ZBTB16: variants seen among roughly 807,000 people sequenced by gnomAD.
ZBTB16 encodes zinc finger and BTB domain containing 16.
Under a neutral mutation model 56.8 loss-of-function variants are expected in ZBTB16, and 8 were observed. The ratio of observed to expected loss-of-function variants is 0.14; its 90% CI spans 0.08 to 0.25. The LOEUF (loss-of-function observed/expected upper bound fraction) is 0.25. Ranked by LOEUF, ZBTB16 falls within the 10% of genes least tolerant of loss-of-function variation. ZBTB16 has a pLI of 1.00. For missense variants in ZBTB16, 625 were observed against 903.0 expected (o/e 0.69, Z 3.95); for synonymous variants, 363 against 368.5 (o/e 0.98, Z 0.17).
chr11:114,084,063 G>A (rs543884241), intron 2 of ZBTB16, among the ~76,000 whole-genome samples: 1 of 152,302 alleles, frequency 6.6e-6, no homozygotes, highest in African/African-American at 2.4e-5. Context: ...AAGATGTTAT[G>A]TTTCTACTAA....
Position 114,063,971 on chromosome 11 carries a change from C to T in ZBTB16, c.671C>T (p.Pro224Leu). ...LQGTLQPPAG[P>L]EEPTLAGGGR... ...GGAACTCTTCAGCCACCTGCAGGGC[C>T]CGAGGAGCCAACTCTGGCTGGGGGT... is the stretch of plus-strand genomic sequence containing the variant. Residue 224 changes from proline (P) to leucine (L), a missense_variant, in exon 2 of 7, where the codon CCC becomes CTC. Coordinates refer to ENST00000335953, the MANE Select transcript of ZBTB16 (RefSeq NM_006006.6). This position sits in a 1 kb window ranked among gnomAD's most constrained non-coding sequence, Gnocchi z 6.5. The T allele has an allele frequency of 6.2e-7, 1 of 1,613,620 alleles. No individual in the cohort carries two copies.
At chr11:114,108,548 C>G (rs1212460696) in intron 2 of ZBTB16, among the ~76,000 whole-genome samples, 2 of 152,148 alleles carry the variant, frequency 1.3e-5, no homozygotes, top group South Asian at 4.1e-4. Flanking sequence ...CCCTTCTTCC[C>G]CCTCCACATT....
At chr11:114,141,079 C>T (rs776816775) in intron 2 of ZBTB16, among the ~76,000 whole-genome samples, 17 of 152,212 alleles carry the variant, frequency 1.1e-4, no homozygotes, top group Non-Finnish European at 4.4e-5. Context: ...GGCTCCTCGC[C>T]GCTGTCTTCA....
At chr11:114,098,203 C>T (rs1940487026) in intron 2 of ZBTB16, among the ~76,000 whole-genome samples, 1 of 152,160 alleles carries the variant, frequency 6.6e-6, no homozygotes, top group Non-Finnish European at 1.5e-5. Context: ...AAGTCAGGAT[C>T]TCAAGATGAA....
intron 2 of ZBTB16, among the ~76,000 whole-genome samples, chr11:114,144,551 G>A (rs982006503): frequency 5.3e-5 from 8 of 152,144 alleles, no homozygotes; most frequent in African/African-American, 1.7e-4. Context: ...AAGAAGTTTG[G>A]GGAGCCCTTA....
At chr11:114,233,476 T>G (rs1944501083) in intron 4 of ZBTB16, among the ~76,000 whole-genome samples, 1 of 151,934 alleles carries the variant, frequency 6.6e-6, no homozygotes. Context: ...CCCTGCACCC[T>G]AGAAAGGGCA....
intron 4 of ZBTB16, among the ~76,000 whole-genome samples, chr11:114,238,708 C>T (rs1056577522): frequency 2.0e-5 from 3 of 152,124 alleles, no homozygotes; most frequent in Non-Finnish European, 2.9e-5. Flanking sequence ...TCCAACCTGT[C>T]CTGCCTGGCA....
rs189510343 is a variant in ZBTB16 at position 114,060,188 on chromosome 11, G to A, written c.-91+306G>A. ...CGGTGTGCGGGGGCTGAGGGCGTGA[G>A]CAGAGGGGTCGGGGATCCGGAGGCT... On this transcript the variant is annotated intron_variant, in intron 1 of 6. Transcript: ENST00000335953. The surrounding 1 kb of genome is among the most constrained non-coding windows in gnomAD (Gnocchi z 6.0). 5.7e-3 allele frequency: 981 copies of A among 172,384 alleles called. 7 individuals are homozygous for A. The highest frequency in any genetic ancestry group is 8.7e-3 in the Non-Finnish European group (711 of 81,666). 10.7% of individuals were successfully genotyped at this position (172,384 alleles called of 1,614,324 possible). A position where few individuals can be genotyped will look rare whatever the true frequency, so the allele number is the denominator to read the frequency against.
At chr11:114,218,815 G>A (rs930520000) in intron 4 of ZBTB16, among the ~76,000 whole-genome samples, 4 of 152,178 alleles carry the variant, frequency 2.6e-5, no homozygotes, top group African/African-American at 7.2e-5. Flanking sequence ...AAATCATTGC[G>A]AGAGAAAAGC....
chr11:114,162,293 T>C (rs1005077421), intron 3 of ZBTB16, among the ~76,000 whole-genome samples: 2 of 152,214 alleles, frequency 1.3e-5, no homozygotes, highest in African/African-American at 4.8e-5. Flanking sequence ...TGTTCTGTTT[T>C]ATTTATTTAT....
intron 2 of ZBTB16, among the ~76,000 whole-genome samples, chr11:114,142,417 C>T (rs1176422966): frequency 6.6e-6 from 1 of 152,206 alleles, no homozygotes; most frequent in Non-Finnish European, 1.5e-5. Context: ...ATAGCTCTAA[C>T]TGCTCAATAA....
At position 114,256,430 on chromosome 11, in the gene ZBTB16, G is replaced by T. The variant is rs563936840; in HGVS notation, c.*5875G>T. Among the ~76,000 whole-genome samples the T allele has an allele frequency of 6.6e-6, 1 of 152,154 alleles. No homozygotes were observed. Among genetic ancestry groups the T allele is most frequent in the Non-Finnish European group, 1.5e-5 (1 of 68,032 alleles). On this transcript the variant is annotated 3_prime_UTR_variant, in exon 7 of 7. Coordinates refer to ENST00000335953, the MANE Select transcript of ZBTB16 (RefSeq NM_006006.6). ...GGCTGTGTTAGGATAACTTGCTCAGGATTGCACGGCTGGTGAGCAGCAGTC... is the reference window on the plus strand; with the variant it reads ...GGCTGTGTTAGGATAACTTGCTCAGTATTGCACGGCTGGTGAGCAGCAGTC...
chr11:114,150,109 G>A (rs1320279289), intron 2 of ZBTB16, among the ~76,000 whole-genome samples: 2 of 152,176 alleles, frequency 1.3e-5, no homozygotes, highest in African/African-American at 4.8e-5. Context: ...AATACATAAG[G>A]AGAATGACAC....
chr11:114,085,276 T>C (rs908408891), intron 2 of ZBTB16, among the ~76,000 whole-genome samples: 1 of 152,228 alleles, frequency 6.6e-6, no homozygotes, highest in Non-Finnish European at 1.5e-5. Context: ...TCTTATTTCA[T>C]TTAAGAACGT....
intron 4 of ZBTB16, among the ~76,000 whole-genome samples, chr11:114,201,964 A>G (rs538089335): frequency 2.0e-5 from 3 of 152,346 alleles, no homozygotes; most frequent in Admixed American, 2.0e-4. Context: ...CTAAAAAGAA[A>G]AGGCTGCAAG....
At chr11:114,096,736 C>G (rs182946344) in intron 2 of ZBTB16, among the ~76,000 whole-genome samples, 1 of 152,200 alleles carries the variant, frequency 6.6e-6, no homozygotes, top group African/African-American at 2.4e-5. Flanking sequence ...CAGCATTTTA[C>G]GGGCACTTTT....
At chr11:114,131,113 C>G (rs1398042059) in intron 2 of ZBTB16, among the ~76,000 whole-genome samples, 1 of 152,174 alleles carries the variant, frequency 6.6e-6, no homozygotes, top group Admixed American at 6.5e-5. Context: ...CATGTTTACC[C>G]TTTGATGGTG....
chr11:114,209,844 G>T (rs972494787), intron 4 of ZBTB16: 3 of 985,282 alleles, frequency 3.0e-6, no homozygotes, highest in Non-Finnish European at 3.6e-6. Flanking sequence ...CTGGCATCCT[G>T]CTGTGGGTCT....
At chr11:114,154,351 T>C (rs551636875) in intron 2 of ZBTB16, among the ~76,000 whole-genome samples, 2 of 152,174 alleles carry the variant, frequency 1.3e-5, no homozygotes, top group Admixed American at 6.5e-5. Flanking sequence ...GAAACCCTTA[T>C]GTTGCCATCC....
Sources: allele counts gnomAD v4.1 joint callset (sites outside exome capture counted in the v4.1 genomes callset), GRCh38; gene constraint gnomAD v4.1.1; non-coding constraint Gnocchi (gnomAD v3.1); transcripts MANE v1.5; gene names NCBI Gene and HGNC (gene_info 2026-07-23, HGNC 2026-07-21).